Variants in ADGRL3 observed in about 807,000 individuals in gnomAD.
ADGRL3 encodes adhesion G protein-coupled receptor L3.
Under a neutral mutation model 153.5 loss-of-function variants are expected in ADGRL3, and 62 were observed. The observed-to-expected ratio is 0.40, with a 90% CI of 0.33 to 0.50. The LOEUF (loss-of-function observed/expected upper bound fraction) is 0.50. Among genes scored for constraint, ADGRL3 ranks in the 20% least tolerant of loss-of-function variants. ADGRL3 has a pLI of 0.47. For missense variants in ADGRL3, 1,641 were observed against 1,859.4 expected (o/e 0.88, Z 2.16); for synonymous variants, 710 against 672.5 (o/e 1.06, Z -0.86).
chr4:61,750,566 C>T (rs901647926), intron 8 of ADGRL3, among the ~76,000 whole-genome samples: 10 of 151,898 alleles, frequency 6.6e-5, no homozygotes, highest in Admixed American at 2.6e-4. Context: ...CCGAGGCGGG[C>T]GGATCACGAG....
At chr4:61,780,882 TA>T (rs2097205519) in intron 8 of ADGRL3, among the ~76,000 whole-genome samples, 1 of 152,238 alleles carries the variant, frequency 6.6e-6, no homozygotes, top group African/African-American at 2.4e-5. Flanking sequence ...ACTTTTCTCT[TA>T]AAGACAGAAG....
chr4:61,810,434 C>T (rs911521333), intron 8 of ADGRL3, among the ~76,000 whole-genome samples: 1 of 152,114 alleles, frequency 6.6e-6, no homozygotes, highest in Admixed American at 6.6e-5. Context: ...TGTCTTTCTC[C>T]GTCCTAGTTC....
chr4:61,532,553 CGCGTGT>C (rs1184730926), intron 4 of ADGRL3, among the ~76,000 whole-genome samples: 5 of 131,516 alleles, frequency 3.8e-5, no homozygotes, highest in African/African-American at 1.4e-4. Context: ...CGCGCGCGCG[CGCGTGT>C]GTGTGTGTGT....
At chr4:62,016,379 A>C (rs1484493750) in intron 21 of ADGRL3, among the ~76,000 whole-genome samples, 1 of 152,086 alleles carries the variant, frequency 6.6e-6, no homozygotes, top group South Asian at 2.1e-4. Context: ...TATTTGTCTC[A>C]GTTTTACAAT....
chr4:61,578,716 G>A (rs1217587678), intron 4 of ADGRL3, among the ~76,000 whole-genome samples: 1 of 151,888 alleles, frequency 6.6e-6, no homozygotes, highest in African/African-American at 2.4e-5. Context: ...CATACATATT[G>A]TTTCATCTTT....
chr4:61,732,096 C>A (rs2096452958), intron 7 of ADGRL3, among the ~76,000 whole-genome samples: 1 of 152,034 alleles, frequency 6.6e-6, no homozygotes, highest in African/African-American at 2.4e-5. Flanking sequence ...AACCTTTCAC[C>A]TTTTCTTCTT....
intron 2 of ADGRL3, among the ~76,000 whole-genome samples, chr4:61,402,238 T>C (rs549537822): frequency 1.3e-5 from 2 of 151,724 alleles, no homozygotes; most frequent in South Asian, 4.1e-4. Context: ...TTGGATGTCC[T>C]GTTTTGTACA....
intron 1 of ADGRL3, among the ~76,000 whole-genome samples, chr4:61,286,826 A>C (rs1578124871): frequency 6.6e-6 from 1 of 151,790 alleles, no homozygotes; most frequent in Admixed American, 6.6e-5. Context: ...AATCTTGGGA[A>C]TCATCTTTCT....
At chr4:61,645,542 T>C (rs1239358434) in intron 5 of ADGRL3, among the ~76,000 whole-genome samples, 1 of 152,178 alleles carries the variant, frequency 6.6e-6, no homozygotes, top group South Asian at 2.1e-4. Context: ...CCTTCACTTA[T>C]GAAGCTTAGT....
chr4:61,378,021 C>T (rs915938563), intron 1 of ADGRL3, among the ~76,000 whole-genome samples: 1 of 151,804 alleles, frequency 6.6e-6, no homozygotes, highest in Admixed American at 6.6e-5. Flanking sequence ...CTTTTTATTT[C>T]TAATTTAATT....
chr4:61,545,813 C>A lies in ADGRL3; in HGVS notation c.259+28295C>A, dbSNP rs554644831. The stretch of plus-strand genomic sequence containing the variant: ...TACAGGCGTAAGCTACCGCGCGGGG[C>A]CTCTGTGTCTTTCTCTCTCTATGTT... On this transcript the variant is annotated intron_variant, in intron 4 of 26. Coordinates refer to ENST00000683033, the MANE Select transcript of ADGRL3 (RefSeq NM_001387552.1). Among the ~76,000 whole-genome samples, 3 of 152,230 alleles carry A rather than the reference C, an allele frequency of 2.0e-5. No homozygotes were observed. The East Asian group carries it at 5.8e-4, about 29-fold the overall frequency.
intron 5 of ADGRL3, among the ~76,000 whole-genome samples, chr4:61,676,195 C>T (rs1296808178): frequency 6.6e-6 from 1 of 151,708 alleles, no homozygotes; most frequent in African/African-American, 2.4e-5. Flanking sequence ...AAGTAATCCA[C>T]GAGGATTGTA....
At chr4:62,017,011 A>G (rs187007012) in intron 21 of ADGRL3, among the ~76,000 whole-genome samples, 193 of 152,164 alleles carry the variant, frequency 1.3e-3, no homozygotes, top group African/African-American at 4.5e-3. Flanking sequence ...GTAAGAAAAT[A>G]TTACTGATTT....
intron 2 of ADGRL3, among the ~76,000 whole-genome samples, chr4:61,495,644 T>C (rs2098307216): frequency 6.6e-6 from 1 of 152,170 alleles, no homozygotes; most frequent in Non-Finnish European, 1.5e-5. Context: ...TTTAGTATTT[T>C]GGTTTCCTAA....
intron 8 of ADGRL3, among the ~76,000 whole-genome samples, chr4:61,773,506 A>T (rs17292009): frequency 6.6e-6 from 1 of 152,130 alleles, no homozygotes; most frequent in Admixed American, 6.5e-5. Context: ...AGAAGCCCTC[A>T]CTTTTCCGAA....
At chr4:61,925,963 T>C (rs2098792599) in intron 13 of ADGRL3, among the ~76,000 whole-genome samples, 1 of 152,132 alleles carries the variant, frequency 6.6e-6, no homozygotes, top group Non-Finnish European at 1.5e-5. Flanking sequence ...CATGCAAACA[T>C]CATAGGGTAT....
At chr4:61,715,947 T>TA (rs59481591) in intron 6 of ADGRL3, among the ~76,000 whole-genome samples, 26,291 of 85,358 alleles carry the variant, frequency 0.31, 3,068 homozygotes, top group East Asian at 0.65. Context: ...GCCCTTAAAG[T>TA]AAAAAAAAAA....
rs541563649 is a variant in ADGRL3 at position 61,303,685 on chromosome 4, A to AT, written c.-239-79434dup. Among the ~76,000 whole-genome samples, 478 of 152,228 alleles carry AT rather than the reference A, an allele frequency of 3.1e-3. 4 individuals are homozygous for AT. Among genetic ancestry groups the AT allele is most frequent in the Non-Finnish European group, 4.7e-3 (319 of 67,998 alleles). On this transcript the variant is annotated intron_variant, in intron 1 of 26. Transcript: ENST00000683033. ...CATCATTAAGTGTCTGAAAAGTGGGATTTTTAAAGTTAGTACAGCTTTCCC... is the reference window on the plus strand; with the variant it reads ...CATCATTAAGTGTCTGAAAAGTGGGATTTTTTAAAGTTAGTACAGCTTTCCC...
intron 11 of ADGRL3, among the ~76,000 whole-genome samples, chr4:61,905,472 T>C (rs962844937): frequency 3.3e-5 from 5 of 152,306 alleles, no homozygotes; most frequent in Admixed American, 2.6e-4. Context: ...ACATTGAGTT[T>C]GTTACATACA....
Sources: allele counts gnomAD v4.1 joint callset (sites outside exome capture counted in the v4.1 genomes callset), GRCh38; gene constraint gnomAD v4.1.1; transcripts MANE v1.5; gene names NCBI Gene and HGNC (gene_info 2026-07-23, HGNC 2026-07-21).